GABRB2: variants seen among roughly 807,000 people sequenced by gnomAD.
GABRB2 encodes gamma-aminobutyric acid type A receptor subunit beta2, also known as gamma-aminobutyric acid receptor subunit beta-2.
In GABRB2, 16 loss-of-function variants were observed where a neutral mutation model predicts 54.7. That is an observed-to-expected ratio of 0.29 (90% CI 0.20 to 0.44). The LOEUF (loss-of-function observed/expected upper bound fraction) is 0.44. GABRB2 is among the 20% of genes least tolerant of loss of function. The pLI, the probability that GABRB2 is intolerant of heterozygous loss-of-function variation, is 1.00. For missense variants in GABRB2, 355 were observed against 644.0 expected, an observed-to-expected ratio of 0.55 and a Z score of 4.86; for synonymous variants, 244 against 233.8, an observed-to-expected ratio of 1.04 and a Z score of -0.40.
intron 3 of GABRB2, among the ~76,000 whole-genome samples, chr5:161,468,615 AT>A (rs1561661205): frequency 6.6e-6 from 1 of 151,962 alleles, no homozygotes; most frequent in Non-Finnish European, 1.5e-5. Flanking sequence ...ACATTCATTT[AT>A]TTGTCTCCTC....
intron 5 of GABRB2, among the ~76,000 whole-genome samples, chr5:161,349,246 TA>T (rs1173715405): frequency 6.6e-6 from 1 of 151,668 alleles, no homozygotes; most frequent in Non-Finnish European, 1.5e-5. Context: ...ATTCCTTAAA[TA>T]AACTTAAAAA....
upstream of GABRB2, chr5:161,546,781 G>A: frequency 1.4e-6 from 2 of 1,464,406 alleles, no homozygotes; most frequent in Non-Finnish European, 1.8e-6. Flanking sequence ...GGCTGCCGGG[G>A]ACCGAGCAGA....
At chr5:161,328,677 G>T (rs901991370) in intron 8 of GABRB2, among the ~76,000 whole-genome samples, 16 of 152,058 alleles carry the variant, frequency 1.1e-4, no homozygotes, top group African/African-American at 3.6e-4. Flanking sequence ...ATATTTAGAC[G>T]ACAAGGATAT....
At chr5:161,499,373 C>A (rs1759358308) in intron 3 of GABRB2, among the ~76,000 whole-genome samples, 1 of 152,098 alleles carries the variant, frequency 6.6e-6, no homozygotes, top group South Asian at 2.1e-4. Context: ...GCAAATAATT[C>A]TCCTTATTGG....
At chr5:161,296,241 T>A (rs10072297) in intron 9 of GABRB2, among the ~76,000 whole-genome samples, 17,155 of 152,194 alleles carry the variant, frequency 0.11, 1,276 homozygotes, top group African/African-American at 0.2. Flanking sequence ...CACCTATCCT[T>A]TACTGTTATT....
At chr5:161,439,275 T>G (rs546661841) in intron 4 of GABRB2, among the ~76,000 whole-genome samples, 1 of 152,188 alleles carries the variant, frequency 6.6e-6, no homozygotes. Flanking sequence ...AAAATAACTT[T>G]TAGGCTAAAA....
At chr5:161,386,356 T>C (rs1755631251) in intron 5 of GABRB2, among the ~76,000 whole-genome samples, 1 of 152,128 alleles carries the variant, frequency 6.6e-6, no homozygotes, top group South Asian at 2.1e-4. Context: ...TGAAATTAGC[T>C]TGGTGCCCTG....
intron 5 of GABRB2, among the ~76,000 whole-genome samples, chr5:161,393,945 T>C (rs1427591925): frequency 3.3e-5 from 5 of 152,084 alleles, no homozygotes; most frequent in African/African-American, 4.8e-5. Flanking sequence ...AACTGCACAA[T>C]ACACATTTTT....
At chr5:161,456,944 G>A (rs1757971258) in intron 4 of GABRB2, among the ~76,000 whole-genome samples, 1 of 152,066 alleles carries the variant, frequency 6.6e-6, no homozygotes, top group Non-Finnish European at 1.5e-5. Context: ...TATATAAAAT[G>A]GAGCTAGAAA....
At chr5:161,475,974 C>T (rs1345240566) in intron 3 of GABRB2, among the ~76,000 whole-genome samples, 2 of 151,800 alleles carry the variant, frequency 1.3e-5, no homozygotes, top group Non-Finnish European at 2.9e-5. Context: ...GAAAAGACAT[C>T]CTAATTGGAA....
intron 3 of GABRB2, among the ~76,000 whole-genome samples, chr5:161,494,709 C>T (rs1223447734): frequency 6.6e-6 from 1 of 151,656 alleles, no homozygotes; most frequent in Non-Finnish European, 1.5e-5. Flanking sequence ...ATATAATTTA[C>T]TTGATGTTTC....
intron 4 of GABRB2, among the ~76,000 whole-genome samples, chr5:161,437,520 T>A (rs1331645820): frequency 6.6e-6 from 1 of 152,052 alleles, no homozygotes; most frequent in Non-Finnish European, 1.5e-5. Context: ...ACTGAGGACC[T>A]TGGGTTATCC....
Position 161,459,442 on chromosome 5 carries a change from G to T in GABRB2, c.458+182C>A. On this transcript the variant is annotated intron_variant, in intron 4 of 9. Transcript: ENST00000393959. ...AATTCAGAAAAATGTAGTCTTAGCT[G>T]AGGTTAAGTTCCTTTGTAAGCATGC... 4 of 612,412 alleles carry T rather than the reference G, an allele frequency of 6.5e-6. No individual in the cohort carries two copies. In the South Asian group the frequency reaches 8.1e-5, roughly 12 times the overall value. 37.9% of individuals were successfully genotyped at this position (612,412 alleles called of 1,614,324 possible). A position where few individuals can be genotyped will look rare whatever the true frequency, so the allele number is the denominator to read the frequency against.
chr5:161,405,826 A>G (rs1756333764), intron 5 of GABRB2, among the ~76,000 whole-genome samples: 2 of 152,104 alleles, frequency 1.3e-5, no homozygotes, highest in South Asian at 2.1e-4. Context: ...ATGCTTCAAT[A>G]TATCAATCTA....
intron 9 of GABRB2, among the ~76,000 whole-genome samples, chr5:161,301,567 G>C (rs1390576756): frequency 1.3e-5 from 2 of 152,024 alleles, no homozygotes; most frequent in Admixed American, 1.3e-4. Context: ...CTATTCAAGG[G>C]GCCATGGGAA....
chr5:161,511,767 C>T (rs1038327113), intron 3 of GABRB2, among the ~76,000 whole-genome samples: 5 of 151,958 alleles, frequency 3.3e-5, no homozygotes, highest in Admixed American at 2.0e-4. Flanking sequence ...CATCTTCTCC[C>T]TACGTCTCTT....
chr5:161,490,863 A>G (rs2113351949), intron 3 of GABRB2, among the ~76,000 whole-genome samples: 1 of 151,824 alleles, frequency 6.6e-6, no homozygotes, highest in South Asian at 2.1e-4. Flanking sequence ...AGTTGTTTCT[A>G]AAAAGTTCTT....
intron 5 of GABRB2, among the ~76,000 whole-genome samples, chr5:161,370,820 T>C (rs1052186624): frequency 4.6e-5 from 7 of 152,186 alleles, no homozygotes; most frequent in African/African-American, 1.7e-4. Flanking sequence ...CAAGTGGCCA[T>C]TAAAAATGTC....
intron 4 of GABRB2, among the ~76,000 whole-genome samples, chr5:161,418,566 T>C (rs1756751279): frequency 6.6e-6 from 1 of 152,140 alleles, no homozygotes; most frequent in African/African-American, 2.4e-5. Flanking sequence ...GAAAAACTCT[T>C]CTTGACCCTT....
Sources: gnomAD v4.1 joint callset for allele counts (sites outside exome capture counted in the v4.1 genomes callset) on GRCh38, gnomAD v4.1.1 for gene constraint, MANE v1.5 for transcripts, NCBI Gene and HGNC (gene_info 2026-07-23, HGNC 2026-07-21) for gene names.